Variants in LGI4 observed in about 807,000 individuals in gnomAD.
The protein encoded by LGI4 is leucine rich repeat LGI family member 4, also known as leucine-rich repeat LGI family member 4.
In LGI4, 36 loss-of-function variants were observed where a neutral mutation model predicts 48.3. The ratio of observed to expected loss-of-function variants is 0.75; its 90% confidence interval spans 0.57 to 0.98. The LOEUF is 0.98. Among genes scored for constraint, LGI4 ranks in the 50% least tolerant of loss-of-function variants. LGI4 has a pLI of 0.00. For synonymous variants in LGI4, 355 were observed against 331.6 expected (o/e 1.07, Z -0.77); for missense variants, 701 against 732.1 (o/e 0.96, Z 0.49).
chr19:35,125,659 A>G (rs2065128635), intron 8 of LGI4, 152 bp from the exon 9 acceptor site: 1 of 730,410 alleles, frequency 1.4e-6, no homozygotes, highest in Non-Finnish European at 2.4e-6. Flanking sequence ...ACACACATGC[A>G]GTTGTTCTGA....
In LGI4 at chr19:35,126,685, G is replaced by A; in HGVS notation, c.884C>T (p.Ala295Val). The A allele has an allele frequency of 1.3e-6, 2 of 1,536,274 alleles. No individual in the cohort carries two copies. The highest frequency in any genetic ancestry group is 1.7e-6 in the Non-Finnish European group (2 of 1,146,510). Residue 295 changes from alanine (A) to valine (V), a missense_variant, in exon 8 of 9, where the codon GCC becomes GTC. Ala to Val is a moderately conservative substitution (Grantham distance 64). Around this residue, in one of 3 missense-constraint regions of LGI4, gnomAD observed 462 missense variants for 436.4 expected, o/e 1.06. Transcript: ENST00000310123. The part of the protein sequence containing the change: ...ARLWGGSQLW[A>V]RPSPGLRLAP... ...CAGGCGCAGGCCGGGACTGGGCCGG[G>A]CCCACAGCTGTGAGCCCCCCCACAG...
Position 35,134,775 on chromosome 19 carries a change from CG to C in LGI4, c.-96del, listed in dbSNP as rs2065198749. ...CTCCTCCACCAGGCCGCCCTCCATC[CG>C]CCTGCTGGCACGCTCGGCCCTGGCT... On this transcript the variant is annotated 5_prime_UTR_variant, in exon 1 of 9. Coordinates refer to ENST00000310123, the MANE Select transcript of LGI4 (RefSeq NM_139284.3). The C allele has an allele frequency of 1.6e-6, 1 of 637,308 alleles. No individual in the cohort carries two copies. The highest frequency in any genetic ancestry group is 1.9e-5 in the African/African-American group (1 of 53,356). 39.5% of individuals were successfully genotyped at this position (637,308 alleles called of 1,614,324 possible). A position where few individuals can be genotyped will look rare whatever the true frequency, so the allele number is the denominator to read the frequency against.
chr19:35,132,880 G>A (rs751914341), intron 3 of LGI4, among the ~76,000 whole-genome samples: 9 of 151,848 alleles, frequency 5.9e-5, no homozygotes, highest in Non-Finnish European at 1.0e-4. Flanking sequence ...TACCACTGCC[G>A]GAGTTTCCAT....
chr19:35,132,153 C>A, intron 3 of LGI4, 111 bp from the exon 4 acceptor site: 2 of 896,286 alleles, frequency 2.2e-6, no homozygotes, highest in Non-Finnish European at 3.6e-6. Flanking sequence ...ATACCACGGA[C>A]AATCCCAGGG....
Position 35,134,698 on chromosome 19 carries a change from G to A in LGI4, c.-18C>T, listed in dbSNP as rs752030166. ...CCTCCCATGCCCCCACCCCCACTCT[G>A]AGGCACCCGCTTCTCCCGGCCCACC... On this transcript the variant is annotated 5_prime_UTR_variant, in exon 1 of 9. Coordinates refer to ENST00000310123, the MANE Select transcript of LGI4 (RefSeq NM_139284.3). 10 of 1,316,690 alleles carry A rather than the reference G, an allele frequency of 7.6e-6. No individual in the cohort carries two copies. The Admixed American group carries it at 2.5e-4, about 33-fold the overall frequency. 81.6% of individuals were successfully genotyped at this position (1,316,690 alleles called of 1,614,324 possible). A position where few individuals can be genotyped will look rare whatever the true frequency, so the allele number is the denominator to read the frequency against.
intron 6 of LGI4, among the ~76,000 whole-genome samples, chr19:35,127,513 G>A (rs780566580): frequency 9.9e-5 from 15 of 151,916 alleles, no homozygotes; most frequent in Middle Eastern, 6.8e-3. Flanking sequence ...TCAGCCTCCC[G>A]AGTAGCTGGA....
In LGI4 at chr19:35,132,037, A is replaced by T; in HGVS notation, c.320T>A (p.Ile107Asn). ...GATGGAGCCAATCTCATTGTCCTCG[A>T]TGAAGCTGTGGAGGGAAGCTGGGGT... ...AGLSHLQYLFIEDNEIGSISK... is the reference protein window; with the variant it reads ...AGLSHLQYLFNEDNEIGSISK... The change falls in exon 4 of 9, where the codon ATC (isoleucine) becomes AAC (asparagine). Residue 107 changes from isoleucine to asparagine, a missense_variant. Ile to Asn is a moderately radical substitution (Grantham distance 149, BLOSUM62 -3). Transcript: ENST00000310123. 6.3e-7 allele frequency: 1 copy of T among 1,575,328 alleles called. No individual in the cohort carries two copies. The highest frequency in any genetic ancestry group is 1.3e-5 in the African/African-American group (1 of 74,308).
rs369702270 is a variant in LGI4, at chr19:35,125,551, C to T, written c.1300-44G>A. 8.9e-5 allele frequency: 130 copies of T among 1,466,920 alleles called. 1 individual carries two copies. In the South Asian group the frequency reaches 1.7e-3, roughly 19 times the overall value. 90.9% of individuals were successfully genotyped at this position (1,466,920 alleles called of 1,614,324 possible). A position where few individuals can be genotyped will look rare whatever the true frequency, so the allele number is the denominator to read the frequency against. ...TGAGGGCCTGGGGTCCCGGGGGTCT[C>T]TGGGGGCCGTGGAACAGCTTGGAAG... On this transcript the variant is annotated intron_variant, in intron 8 of 8. Transcript: ENST00000310123.
rs779031662 is a variant in LGI4, at chr19:35,125,391, G to A, written c.1416C>T (p.Asp472=). 1.2e-6 allele frequency: 2 copies of A among 1,612,680 alleles called. No individual in the cohort carries two copies. The highest frequency in any genetic ancestry group is 1.7e-6 in the Non-Finnish European group (2 of 1,179,310). The part of the protein sequence containing the change: ...ARDQLAILGS[D]FAFSQVLRLE... ...GGCGGAGGACCTGGCTGAAGGCGAAGTCGCTGCCTAGGATGGCCAGCTGGT... is the reference window on the plus strand; with the variant it reads ...GGCGGAGGACCTGGCTGAAGGCGAAATCGCTGCCTAGGATGGCCAGCTGGT... Residue 472 remains aspartate, a synonymous_variant, in exon 9 of 9, where the codon GAC becomes GAT. Coordinates refer to ENST00000310123, the MANE Select transcript of LGI4 (RefSeq NM_139284.3).
chr19:35,125,987 A>G, intron 8 of LGI4: 1 of 556,880 alleles, frequency 1.8e-6, no homozygotes, highest in East Asian at 3.1e-5. Context: ...GCTCAGTGTC[A>G]GGGTGGGGAC....
intron 6 of LGI4, among the ~76,000 whole-genome samples, chr19:35,128,742 C>T (rs2065156503): frequency 6.6e-6 from 1 of 152,098 alleles, no homozygotes; most frequent in Non-Finnish European, 1.5e-5. Context: ...AAAAAACTTT[C>T]TATTCTTGCC....
chr19:35,133,792 T>G, intron 2 of LGI4, 28 bp from the exon 3 acceptor site: 1 of 1,581,884 alleles, frequency 6.3e-7, no homozygotes, highest in Non-Finnish European at 8.6e-7. Context: ...AAGAAATTTT[T>G]CCAGAATTGC....
In LGI4 at chr19:35,125,588, C is replaced by T. The variant is rs564227152; in HGVS notation, c.1300-81G>A. The T allele has an allele frequency of 5.8e-5, 72 of 1,235,798 alleles. No homozygotes were observed. The East Asian group carries it at 7.9e-4, about 14-fold the overall frequency. 76.6% of individuals were successfully genotyped at this position (1,235,798 alleles called of 1,614,324 possible). A position where few individuals can be genotyped will look rare whatever the true frequency, so the allele number is the denominator to read the frequency against. On this transcript the variant is annotated intron_variant, in intron 8 of 8. Coordinates refer to ENST00000310123, the MANE Select transcript of LGI4 (RefSeq NM_139284.3). The stretch of plus-strand genomic sequence containing the variant: ...GAACAGCTTGGAAGCAGAAGCCTGT[C>T]GGTCCCAAAACTCCCATAGCTTTCT...
At chr19:35,125,970 CT>C in intron 8 of LGI4, 1 of 542,722 alleles carries the variant, frequency 1.8e-6, no homozygotes, top group Non-Finnish European at 3.4e-6. Flanking sequence ...TAGCATCAGC[CT>C]TGGGGGCTCA....
intron 8 of LGI4, chr19:35,125,817 C>G: frequency 3.3e-6 from 2 of 609,566 alleles, no homozygotes; most frequent in Non-Finnish European, 3.1e-6. Flanking sequence ...TCTTCCCTGG[C>G]CTCTAGGCTC....
intron 6 of LGI4, among the ~76,000 whole-genome samples, chr19:35,130,649 A>G (rs2065168370): frequency 6.6e-6 from 1 of 152,214 alleles, no homozygotes; most frequent in Admixed American, 6.5e-5. Flanking sequence ...GTGAGCTATG[A>G]TGGCGCCATT....
chr19:35,126,243 GC>G (rs770258429), intron 8 of LGI4, 26 bp downstream of exon 8: 12 of 1,603,714 alleles, frequency 7.5e-6, no homozygotes, highest in South Asian at 3.4e-5. Context: ...TGAAAAGCCA[GC>G]CCCCCGCCCC....
Position 35,125,112 on chromosome 19 carries a change from G to A in LGI4, c.*81C>T, listed in dbSNP as rs1048690. On this transcript the variant is annotated 3_prime_UTR_variant, in exon 9 of 9. Transcript: ENST00000310123. ...CCCACGGTCAGCAGCTCACAGGCGG[G>A]CCATCACCCCAAGTAGGGCCAGGAG... 442,298 of 1,252,094 alleles carry A rather than the reference G, an allele frequency of 0.35. 80,039 individuals carry two copies. The highest frequency in any genetic ancestry group is 0.52 in the South Asian group (31,590 of 60,922). 77.6% of individuals were successfully genotyped at this position (1,252,094 alleles called of 1,614,324 possible). A position where few individuals can be genotyped will look rare whatever the true frequency, so the allele number is the denominator to read the frequency against.
intron 1 of LGI4, 140 bp downstream of exon 1, chr19:35,134,371 C>A: frequency 1.1e-6 from 1 of 896,120 alleles, no homozygotes; most frequent in Non-Finnish European, 1.7e-6. Flanking sequence ...CTCTTCAAGG[C>A]ATCCCGACAG....
Sources: gnomAD v4.1 joint callset for allele counts (sites outside exome capture counted in the v4.1 genomes callset) on GRCh38, gnomAD v4.1.1 for gene constraint, gnomAD v4.1.1 regional missense constraint, MANE v1.5 for transcripts, NCBI Gene and HGNC (gene_info 2026-07-23, HGNC 2026-07-21) for gene names.